TAFA4: variants seen among roughly 807,000 people sequenced by gnomAD.
TAFA4 encodes the protein TAFA chemokine like family member 4.
TAFA4 carries 20 observed loss-of-function variants against 21.1 expected under a neutral mutation model. That is an observed-to-expected ratio of 0.95 (90% confidence interval 0.67 to 1.38). The LOEUF is 1.38. Among genes scored for constraint, TAFA4 ranks in the 40% most tolerant of loss-of-function variants. The pLI is 0.00. For missense variants in TAFA4, 211 were observed against 180.9 expected (o/e 1.17, Z -0.95); for synonymous variants, 71 against 67.4 (o/e 1.05, Z -0.26).
At chr3:68,895,147 G>A (rs181207269) in intron 1 of TAFA4, among the ~76,000 whole-genome samples, 54 of 152,154 alleles carry the variant, frequency 3.5e-4, no homozygotes, top group African/African-American at 7.7e-4. Flanking sequence ...ACAGGCGCCC[G>A]CCACCATGCC....
chr3:68,779,611 C>A (rs1224804087), intron 3 of TAFA4, among the ~76,000 whole-genome samples: 2 of 152,196 alleles, frequency 1.3e-5, no homozygotes, highest in African/African-American at 2.4e-5. Context: ...TGAAGCCCCA[C>A]GACTTGGCAG....
intron 3 of TAFA4, among the ~76,000 whole-genome samples, chr3:68,780,370 C>T (rs925340273): frequency 6.6e-6 from 1 of 152,118 alleles, no homozygotes; most frequent in Non-Finnish European, 1.5e-5. Flanking sequence ...GCGGGGGAGC[C>T]AGAGGTGGAA....
chr3:68,877,682 C>T (rs73110505), intron 3 of TAFA4, among the ~76,000 whole-genome samples: 9,945 of 152,246 alleles, frequency 0.065, 441 homozygotes, highest in Non-Finnish European at 0.1. Context: ...CAACTTTCTT[C>T]GCCACAGTCA....
intron 1 of TAFA4, among the ~76,000 whole-genome samples, chr3:68,912,885 T>C (rs1473297507): frequency 6.6e-6 from 1 of 152,158 alleles, no homozygotes; most frequent in East Asian, 1.9e-4. Context: ...AAAAGTAAGA[T>C]ATAGATTTTA....
chr3:68,908,522 G>GAAAA (rs5849869), intron 1 of TAFA4, among the ~76,000 whole-genome samples: 1 of 147,516 alleles, frequency 6.8e-6, no homozygotes, highest in Non-Finnish European at 1.5e-5. Context: ...AAGCAAAAGT[G>GAAAA]AAAAAAAAAA....
intron 1 of TAFA4, among the ~76,000 whole-genome samples, chr3:68,894,396 G>C (rs1019625409): frequency 6.6e-6 from 1 of 152,152 alleles, no homozygotes; most frequent in African/African-American, 2.4e-5. Flanking sequence ...CTGGGCTCAA[G>C]CGATCCTCCT....
At chr3:68,735,809 A>G (rs919933251) in intron 5 of TAFA4, among the ~76,000 whole-genome samples, 2 of 152,170 alleles carry the variant, frequency 1.3e-5, no homozygotes, top group African/African-American at 4.8e-5. Flanking sequence ...AAAATATACT[A>G]TTCTTTAAAG....
At chr3:68,838,076 T>C (rs1704565118) in intron 3 of TAFA4, among the ~76,000 whole-genome samples, 1 of 152,150 alleles carries the variant, frequency 6.6e-6, no homozygotes, top group East Asian at 1.9e-4. Flanking sequence ...TTAATAACTA[T>C]AGTCACTGTA....
At chr3:68,842,565 AT>A (rs1273877091) in intron 3 of TAFA4, among the ~76,000 whole-genome samples, 2 of 152,150 alleles carry the variant, frequency 1.3e-5, no homozygotes, top group Non-Finnish European at 2.9e-5. Flanking sequence ...CGATTTGTCA[AT>A]TTTGGCTTTT....
chr3:68,752,420 A>G (rs1702571727), intron 4 of TAFA4, among the ~76,000 whole-genome samples: 1 of 152,236 alleles, frequency 6.6e-6, no homozygotes, highest in African/African-American at 2.4e-5. Context: ...AAGTTGTTCC[A>G]AAGAGACTGT....
intron 4 of TAFA4, among the ~76,000 whole-genome samples, chr3:68,739,942 G>A (rs1160311472): frequency 6.6e-6 from 1 of 152,188 alleles, no homozygotes; most frequent in Non-Finnish European, 1.5e-5. Context: ...TACACTAAAA[G>A]CCCAGACTTC....
At chr3:68,739,038 A>G (rs1702295274) in intron 5 of TAFA4, 37 bp downstream of exon 5, 1 of 1,609,128 alleles carries the variant, frequency 6.2e-7, no homozygotes, top group African/African-American at 1.3e-5. Flanking sequence ...CACAGTTGAT[A>G]ACTTGTAAAT....
chr3:68,930,444 CT>C (rs2090149226), intron 1 of TAFA4, among the ~76,000 whole-genome samples: 1 of 152,154 alleles, frequency 6.6e-6, no homozygotes, highest in Non-Finnish European at 1.5e-5. Flanking sequence ...CAAATTGTGA[CT>C]TGAAGCCTTA....
At chr3:68,928,593 A>C (rs138258421) in intron 1 of TAFA4, among the ~76,000 whole-genome samples, 270 of 152,314 alleles carry the variant, frequency 1.8e-3, no homozygotes, top group African/African-American at 6.2e-3. Flanking sequence ...CCTTTCGTTT[A>C]TAACTGTGGA....
chr3:68,778,865 C>CA (rs1489589943), intron 3 of TAFA4, among the ~76,000 whole-genome samples: 1 of 152,078 alleles, frequency 6.6e-6, no homozygotes, highest in Non-Finnish European at 1.5e-5. Context: ...AAAAGATACC[C>CA]AAAAATGTGG....
chr3:68,911,978 T>G (rs974390570), intron 1 of TAFA4, among the ~76,000 whole-genome samples: 1 of 152,158 alleles, frequency 6.6e-6, no homozygotes, highest in Non-Finnish European at 1.5e-5. Context: ...CCCCCTTGGA[T>G]CAATGCTTCA....
intron 3 of TAFA4, among the ~76,000 whole-genome samples, chr3:68,776,626 T>C (rs1456034253): frequency 6.6e-6 from 1 of 152,142 alleles, no homozygotes; most frequent in Non-Finnish European, 1.5e-5. Context: ...ACCACCACCA[T>C]CAATCACAGC....
chr3:68,923,162 G>A (rs778036074), intron 1 of TAFA4, among the ~76,000 whole-genome samples: 17 of 152,088 alleles, frequency 1.1e-4, no homozygotes, highest in Non-Finnish European at 2.4e-4. Context: ...TTGTGCAAAC[G>A]TTAATTTCAA....
chr3:68,763,969 A>G (rs1437713687), intron 3 of TAFA4, among the ~76,000 whole-genome samples: 1 of 152,040 alleles, frequency 6.6e-6, no homozygotes, highest in African/African-American at 2.4e-5. Context: ...ATACTTTCAA[A>G]TGTTATACTG....
Sources: allele counts gnomAD v4.1 joint callset (sites outside exome capture counted in the v4.1 genomes callset), GRCh38; gene constraint gnomAD v4.1.1; transcripts MANE v1.5; gene names NCBI Gene and HGNC (gene_info 2026-07-23, HGNC 2026-07-21).